Variants in TEX55 observed in about 807,000 individuals in gnomAD.
TEX55 encodes the protein testis expressed 55.
In TEX55, 31 loss-of-function variants were observed where a neutral mutation model predicts 44.6. The ratio of observed to expected loss-of-function variants is 0.69; its 90% CI spans 0.52 to 0.94. TEX55 has a LOEUF of 0.94. TEX55 is among the 40% of genes least tolerant of loss of function. The pLI, the probability that TEX55 is intolerant of heterozygous loss-of-function variation, is 0.00. For missense variants in TEX55, 639 were observed against 638.4 expected (o/e 1.00, Z -0.01); for synonymous variants, 230 against 230.9 (o/e 1.00, Z 0.04).
At chr3:119,149,244 C>T (rs960969007) in intron 2 of TEX55, among the ~76,000 whole-genome samples, 2 of 151,974 alleles carry the variant, frequency 1.3e-5, no homozygotes, top group South Asian at 2.1e-4. Flanking sequence ...ATTCTGTAAC[C>T]GTGGTTCTAT....
At position 119,146,369 on chromosome 3, in the gene TEX55, T is replaced by C. The variant is rs2077725307; in HGVS notation, c.180T>C (p.Pro60=). The change falls in exon 1 of 3, where the codon CCT becomes CCC. Residue 60 remains proline, a synonymous_variant. Transcript: ENST00000295622. Reference sequence around the variant, plus strand: ...CTGACCAGACTGCCCTAAGAGTGCCTAGCCAGGCTGAATCCAGCATATTTA... The same window carrying C: ...CTGACCAGACTGCCCTAAGAGTGCCCAGCCAGGCTGAATCCAGCATATTTA... ...RIADQTALRV[P]SQAESSIFSQ... The C allele has an allele frequency of 6.2e-7, 1 of 1,614,126 alleles. No individual in the cohort carries two copies. The highest frequency in any genetic ancestry group is 1.1e-5 in the South Asian group (1 of 91,072).
intron 2 of TEX55, among the ~76,000 whole-genome samples, chr3:119,149,586 A>T (rs1351408135): frequency 6.6e-6 from 1 of 152,208 alleles, no homozygotes; most frequent in Non-Finnish European, 1.5e-5. Flanking sequence ...ATTTTCAAGT[A>T]GGATGTACTA....
At position 119,146,602 on chromosome 3, in the gene TEX55, C is replaced by T. The variant is rs777993427; in HGVS notation, c.413C>T (p.Thr138Met). The change falls in exon 1 of 3, where the codon ACG (threonine) becomes ATG (methionine). Residue 138 changes from threonine to methionine, a missense_variant. Coordinates refer to ENST00000295622, the MANE Select transcript of TEX55 (RefSeq NM_152539.3). Reference protein sequence around the residue: ...EQSDGQVSGLTEERTAEQTER... With the variant: ...EQSDGQVSGLMEERTAEQTER... Reference sequence around the variant, plus strand: ...AGTGATGGTCAGGTGTCTGGCCTGACGGAGGAAAGAACTGCTGAACAGACT... The same window carrying T: ...AGTGATGGTCAGGTGTCTGGCCTGATGGAGGAAAGAACTGCTGAACAGACT... The T allele has an allele frequency of 4.8e-5, 77 of 1,613,990 alleles. 1 individual carries two copies. The highest frequency in any genetic ancestry group is 1.6e-4 in the Middle Eastern group (1 of 6,062).
intron 2 of TEX55, among the ~76,000 whole-genome samples, chr3:119,150,608 A>T (rs1045255922): frequency 4.6e-5 from 7 of 152,132 alleles, no homozygotes; most frequent in African/African-American, 7.2e-5. Flanking sequence ...AATACTGAAC[A>T]TCATTTTTGC....
At position 119,146,814 on chromosome 3, in the gene TEX55, C is replaced by A; in HGVS notation, c.625C>A (p.Gln209Lys). ...CGAGGCTGAGCGAAGAACTTCTGAG[C>A]AGATTACACACAGATTATCCAAACT... is the stretch of plus-strand genomic sequence containing the variant. ...SGEAERRTSEQITHRLSKLSE... is the reference protein window; with the variant it reads ...SGEAERRTSEKITHRLSKLSE... The change falls in exon 1 of 3, where the codon CAG (glutamine) becomes AAG (lysine). Residue 209 changes from glutamine (Q) to lysine (K), a missense_variant. Gln to Lys is a moderately conservative substitution (Grantham distance 53). Coordinates refer to ENST00000295622, the MANE Select transcript of TEX55 (RefSeq NM_152539.3). The A allele has an allele frequency of 6.2e-7, 1 of 1,614,190 alleles. No individual in the cohort carries two copies. The highest frequency in any genetic ancestry group is 8.5e-7 in the Non-Finnish European group (1 of 1,180,036).
rs752465989 is a variant in TEX55 at position 119,151,261 on chromosome 3, A to C, written c.1580A>C (p.Asp527Ala). Residue 527 changes from aspartate to alanine, a missense_variant, in exon 3 of 3, where the codon GAC becomes GCC. Asp to Ala is a moderately radical substitution (Grantham distance 126). Transcript: ENST00000295622. ...TENLVYEKPE[D>A]PLNFMLCQV Reference sequence around the variant, plus strand: ...AACTTAGTCTATGAAAAGCCAGAGGACCCCCTGAATTTTATGCTGTGCCAG... The same window carrying C: ...AACTTAGTCTATGAAAAGCCAGAGGCCCCCCTGAATTTTATGCTGTGCCAG... 25 of 1,613,020 alleles carry C rather than the reference A, an allele frequency of 1.5e-5. No individual in the cohort carries two copies. Among genetic ancestry groups the C allele is most frequent in the Non-Finnish European group, 2.0e-5 (23 of 1,179,214 alleles).
In TEX55 at chr3:119,148,342, C is replaced by G; in HGVS notation, c.1542+19C>G. 2 of 1,603,050 alleles carry G rather than the reference C, an allele frequency of 1.2e-6. No individual in the cohort carries two copies. The highest frequency in any genetic ancestry group is 1.7e-6 in the Non-Finnish European group (2 of 1,176,234). ...ATTCCAGGTAAACCTCTCAATTCCT[C>G]TCTTTAATTATAAGTTTTTCAAGAG... On this transcript the variant is annotated intron_variant, in intron 2 of 2. Transcript: ENST00000295622.
intron 2 of TEX55, 127 bp downstream of exon 2, chr3:119,148,450 G>C (rs1273951650): frequency 1.1e-6 from 1 of 872,490 alleles, no homozygotes; most frequent in African/African-American, 1.8e-5. Context: ...GTTACCATAA[G>C]TAGTAAATGA....
chr3:119,146,298 A>T lies in TEX55; in HGVS notation c.109A>T (p.Asn37Tyr), dbSNP rs545898264. The change falls in exon 1 of 3, where the codon AAC becomes TAC. Residue 37 changes from asparagine to tyrosine, a missense_variant. Asn to Tyr is a moderately radical substitution (Grantham distance 143). Coordinates refer to ENST00000295622, the MANE Select transcript of TEX55 (RefSeq NM_152539.3). ...TKGQEEDDQK[N>Y]QAERKADNHT... ...GGGCCAGGAAGAAGACGACCAGAAG[A>T]ACCAGGCCGAAAGGAAGGCAGATAA... 6.2e-7 allele frequency: 1 copy of T among 1,614,194 alleles called. No homozygotes were observed. Among genetic ancestry groups the T allele is most frequent in the East Asian group, 2.2e-5 (1 of 44,878 alleles).
Position 119,148,272 on chromosome 3 carries a change from C to T in TEX55, c.1491C>T (p.Tyr497=). ...CTTCTATAGTTTATGAAGATCCTTA[C>T]CAAGTTTCACTCCAATACATGGAAA... is the stretch of plus-strand genomic sequence containing the variant. ...RFPSIVYEDP[Y]QVSLQYMEKH... Residue 497 remains tyrosine (Y), a synonymous_variant, in exon 2 of 3, where the codon TAC becomes TAT. Transcript: ENST00000295622. 2 of 1,612,846 alleles carry T rather than the reference C, an allele frequency of 1.2e-6. No individual in the cohort carries two copies. The highest frequency in any genetic ancestry group is 1.7e-6 in the Non-Finnish European group (2 of 1,179,492).
rs2077736752 is a variant in TEX55 at position 119,147,229 on chromosome 3, A to C, written c.1040A>C (p.Asp347Ala). 3 of 1,614,194 alleles carry C rather than the reference A, an allele frequency of 1.9e-6. No homozygotes were observed. The highest frequency in any genetic ancestry group is 2.5e-6 in the Non-Finnish European group (3 of 1,180,032). ...NAHYTESDQT[D>A]HLADRQANHK... ...CACTACACTGAATCTGACCAGACTG[A>C]CCACTTAGCAGACAGACAAGCTAAT... The change falls in exon 1 of 3, where the codon GAC becomes GCC. Residue 347 changes from aspartate (D) to alanine (A), a missense_variant. By Grantham distance (126) the Asp-to-Ala change is moderately radical. Coordinates refer to ENST00000295622, the MANE Select transcript of TEX55 (RefSeq NM_152539.3).
chr3:119,147,500 A>C lies in TEX55; in HGVS notation c.1311A>C (p.Gln437His). 1 of 1,614,104 alleles carries C rather than the reference A, an allele frequency of 6.2e-7. No individual in the cohort carries two copies. The highest frequency in any genetic ancestry group is 2.2e-5 in the East Asian group (1 of 44,880). ...CCAGTAACTTCCAAGCAAAAGACCA[A>C]GCTCTTTTCCCAAGACTCCCCTCCA... ...RFTSNFQAKD[Q>H]ALFPRLPSIS... Residue 437 changes from glutamine to histidine, a missense_variant, in exon 1 of 3, where the codon CAA becomes CAC. Transcript: ENST00000295622.
In TEX55 at chr3:119,146,637, T is replaced by G. The variant is rs2077728888; in HGVS notation, c.448T>G (p.Leu150Val). The change falls in exon 1 of 3, where the codon TTA (leucine) becomes GTA (valine). Residue 150 changes from leucine (L) to valine (V), a missense_variant. Coordinates refer to ENST00000295622, the MANE Select transcript of TEX55 (RefSeq NM_152539.3). ...AACTGCTGAACAGACTGAACGAAGA[T>G]TACCTACCCAGGCTGAGAGAAGAAC... is the stretch of plus-strand genomic sequence containing the variant. The part of the protein sequence containing the change: ...ERTAEQTERR[L>V]PTQAERRTSG... 1.2e-6 allele frequency: 2 copies of G among 1,614,122 alleles called. No homozygotes were observed. Among genetic ancestry groups the G allele is most frequent in the Non-Finnish European group, 1.7e-6 (2 of 1,180,038 alleles).
At position 119,151,429 on chromosome 3, in the gene TEX55, T is replaced by C. The variant is rs1290014960; in HGVS notation, c.*137T>C. On this transcript the variant is annotated 3_prime_UTR_variant, in exon 3 of 3. Transcript: ENST00000295622. The stretch of plus-strand genomic sequence containing the variant: ...ATACCTGTAACTACCATTCAAGTTT[T>C]TAAAAAATAAATAAAACATAACCAG... The C allele has an allele frequency of 6.4e-6, 4 of 627,430 alleles. No individual in the cohort carries two copies. The highest frequency in any genetic ancestry group is 1.1e-5 in the Non-Finnish European group (4 of 380,680). The allele number at this position is 627,430 out of a possible 1,614,324, so 38.9% of individuals were successfully genotyped here.
Position 119,147,248 on chromosome 3 carries a change from A to C in TEX55, c.1059A>C (p.Gln353His). The change falls in exon 1 of 3, where the codon CAA becomes CAC. Residue 353 changes from glutamine to histidine, a missense_variant. Physicochemically the swap from Gln to His is conservative, Grantham distance 24 (BLOSUM62 0). Transcript: ENST00000295622. Reference protein sequence around the residue: ...SDQTDHLADRQANHKDQLSYY... With the variant: ...SDQTDHLADRHANHKDQLSYY... ...AGACTGACCACTTAGCAGACAGACA[A>C]GCTAATCATAAAGACCAGCTGTCTT... The C allele has an allele frequency of 6.2e-7, 1 of 1,614,206 alleles. No homozygotes were observed.
At chr3:119,151,055 A>G (rs886885403) in intron 2 of TEX55, among the ~76,000 whole-genome samples, 169 bp from the exon 3 acceptor site, 34 of 152,182 alleles carry the variant, frequency 2.2e-4, no homozygotes, top group Admixed American at 2.2e-3. Context: ...GCTATGAACT[A>G]TGATAGTACC....
At chr3:119,150,165 G>A (rs999780538) in intron 2 of TEX55, among the ~76,000 whole-genome samples, 2 of 152,046 alleles carry the variant, frequency 1.3e-5, no homozygotes, top group African/African-American at 4.8e-5. Context: ...ATTAACCTTG[G>A]TCTATGCCTT....
In TEX55 at chr3:119,146,179, C is replaced by A; in HGVS notation, c.-11C>A. ...CCTGGCAACCTAGACCAGTCAGGGA[C>A]GCGGCAGGAAATGGAAGAGCCTCCG... is the stretch of plus-strand genomic sequence containing the variant. On this transcript the variant is annotated 5_prime_UTR_variant, in exon 1 of 3. Transcript: ENST00000295622. 6.3e-7 allele frequency: 1 copy of A among 1,583,518 alleles called. No homozygotes were observed. Among genetic ancestry groups the A allele is most frequent in the Non-Finnish European group, 8.6e-7 (1 of 1,166,680 alleles).
At position 119,146,177 on chromosome 3, in the gene TEX55, G is replaced by C; in HGVS notation, c.-13G>C. The C allele has an allele frequency of 1.9e-6, 3 of 1,586,156 alleles. No individual in the cohort carries two copies. Among genetic ancestry groups the C allele is most frequent in the Non-Finnish European group, 2.6e-6 (3 of 1,169,118 alleles). ...TGCCTGGCAACCTAGACCAGTCAGG[G>C]ACGCGGCAGGAAATGGAAGAGCCTC... On this transcript the variant is annotated 5_prime_UTR_variant, in exon 1 of 3. Coordinates refer to ENST00000295622, the MANE Select transcript of TEX55 (RefSeq NM_152539.3).
Sources: allele counts gnomAD v4.1 joint callset (sites outside exome capture counted in the v4.1 genomes callset), GRCh38; gene constraint gnomAD v4.1.1; transcripts MANE v1.5; gene names NCBI Gene and HGNC (gene_info 2026-07-23, HGNC 2026-07-21).